The following GOLM2 variants were observed in gnomAD, a reference collection of about 807,000 sequenced individuals.
The protein encoded by GOLM2 is protein GOLM2.
Under a neutral mutation model 55.9 loss-of-function variants are expected in GOLM2, and 26 were observed. That is an observed-to-expected ratio of 0.47 (90% CI 0.34 to 0.65). GOLM2 has a LOEUF of 0.65. Ranked by LOEUF, GOLM2 falls within the 30% of genes least tolerant of loss-of-function variation. The probability of loss-of-function intolerance (pLI) is 0.01; values close to 1 mark genes in which losing one functional copy is unlikely to be tolerated. For missense variants in GOLM2, 486 were observed against 531.8 expected, an observed-to-expected ratio of 0.91 and a Z score of 0.85; for synonymous variants, 165 against 194.6, an observed-to-expected ratio of 0.85 and a Z score of 1.27.
chr15:44,321,258 G>A (rs919136441), intron 1 of GOLM2, among the ~76,000 whole-genome samples: 6 of 151,974 alleles, frequency 3.9e-5, no homozygotes, highest in African/African-American at 1.4e-4. Context: ...GATTGCTTAA[G>A]CCCGGGAGTT....
chr15:44,337,020 C>T (rs1343961030), intron 4 of GOLM2, among the ~76,000 whole-genome samples: 4 of 152,214 alleles, frequency 2.6e-5, no homozygotes, highest in East Asian at 3.9e-4. Context: ...ATATTTCATA[C>T]TGCATTAGAG....
intron 6 of GOLM2, among the ~76,000 whole-genome samples, chr15:44,368,560 G>A (rs1200657956): frequency 6.6e-6 from 1 of 151,564 alleles, no homozygotes; most frequent in Non-Finnish European, 1.5e-5. Context: ...TGTTTAGTCT[G>A]CTGTTAAGCC....
chr15:44,339,995 G>C lies in GOLM2; in HGVS notation c.802+1678G>C, dbSNP rs756557994. Among the ~76,000 whole-genome samples the C allele has an allele frequency of 2.6e-5, 4 of 151,712 alleles. No homozygotes were observed. The East Asian group carries it at 7.8e-4, about 30-fold the overall frequency. On this transcript the variant is annotated intron_variant, in intron 6 of 9. Transcript: ENST00000299957. ...CCACCACACCTGACTAATTTTTATA[G>C]TTTTTTTGTAGAGATAAGTTTTCAC...
chr15:44,322,901 T>G (rs2078960194), intron 1 of GOLM2, 64 bp from the exon 2 acceptor site: 3 of 1,201,294 alleles, frequency 2.5e-6, no homozygotes. Flanking sequence ...AAAGTGAATA[T>G]GAACCAAAAA....
At chr15:44,369,008 C>T (rs1045164998) in intron 6 of GOLM2, among the ~76,000 whole-genome samples, 6 of 130,864 alleles carry the variant, frequency 4.6e-5, no homozygotes, top group Admixed American at 1.7e-4. Context: ...GAGGAGCCTG[C>T]GTTAGGGTTC....
At chr15:44,313,058 G>A (rs1387148107) in intron 1 of GOLM2, among the ~76,000 whole-genome samples, 4 of 150,376 alleles carry the variant, frequency 2.7e-5, no homozygotes, top group South Asian at 2.1e-4. Context: ...CAGCCTGGGC[G>A]ACGGAGCAAG....
intron 1 of GOLM2, among the ~76,000 whole-genome samples, chr15:44,291,015 C>A (rs1425357426): frequency 2.0e-5 from 3 of 151,548 alleles, no homozygotes; most frequent in African/African-American, 7.3e-5. Flanking sequence ...GTTGGTCAGG[C>A]TGGTCTTGAA....
intron 1 of GOLM2, among the ~76,000 whole-genome samples, chr15:44,319,309 C>A (rs183597820): frequency 6.6e-6 from 1 of 152,252 alleles, no homozygotes; most frequent in East Asian, 1.9e-4. Flanking sequence ...GACTTCTGGG[C>A]TCAAGTGATC....
intron 1 of GOLM2, among the ~76,000 whole-genome samples, chr15:44,297,037 T>C (rs2078761002): frequency 1.3e-5 from 2 of 152,234 alleles, no homozygotes; most frequent in Admixed American, 1.3e-4. Context: ...TCCTACCTTC[T>C]TGGTTCCTAT....
chr15:44,293,973 C>T (rs770203944), intron 1 of GOLM2, among the ~76,000 whole-genome samples: 4 of 152,166 alleles, frequency 2.6e-5, no homozygotes, highest in Non-Finnish European at 5.9e-5. Flanking sequence ...GGTATGGACT[C>T]ATGGATATTT....
At chr15:44,315,615 A>T (rs956465690) in intron 1 of GOLM2, among the ~76,000 whole-genome samples, 1 of 152,228 alleles carries the variant, frequency 6.6e-6, no homozygotes, top group Non-Finnish European at 1.5e-5. Context: ...AAGTATCAGG[A>T]AAAAAGAATT....
At chr15:44,404,778 C>T (rs542445640) in intron 9 of GOLM2, among the ~76,000 whole-genome samples, 2 of 152,178 alleles carry the variant, frequency 1.3e-5, no homozygotes, top group South Asian at 2.1e-4. Flanking sequence ...ATCACCCACC[C>T]GCCACAGTAC....
At chr15:44,403,725 TTTG>T (rs749606032) in intron 9 of GOLM2, among the ~76,000 whole-genome samples, 5 of 152,268 alleles carry the variant, frequency 3.3e-5, no homozygotes, top group Admixed American at 6.5e-5. Flanking sequence ...CTAAAAACAT[TTTG>T]TTATTTCAGG....
chr15:44,347,522 A>T (rs577010622), intron 6 of GOLM2, among the ~76,000 whole-genome samples: 1 of 152,294 alleles, frequency 6.6e-6, no homozygotes, highest in East Asian at 1.9e-4. Context: ...CCCTAGTCAG[A>T]GGGGAAATTT....
rs2079067523 is a variant in GOLM2, at chr15:44,337,842, A to G, written c.656A>G (p.Lys219Arg). ...CAAGTAGTACCTAAAAATATTCCAA[A>G]AGTAGCTGAGAATGTTGCAGATAAG... ...NNQVVPKNIP[K>R]VAENVADKNE... Residue 219 changes from lysine (K) to arginine (R), a missense_variant, in exon 5 of 10, where the codon AAA becomes AGA. Transcript: ENST00000299957. The G allele has an allele frequency of 1.2e-6, 2 of 1,606,364 alleles. No individual in the cohort carries two copies. The highest frequency in any genetic ancestry group is 2.3e-5 in the South Asian group (2 of 88,848).
rs917116157 is a variant in GOLM2 at position 44,288,934 on chromosome 15, T to C, written c.-96T>C. 2.5e-6 allele frequency: 3 copies of C among 1,217,140 alleles called. No homozygotes were observed. Among genetic ancestry groups the C allele is most frequent in the Non-Finnish European group, 3.4e-6 (3 of 876,060 alleles). The allele number at this position is 1,217,140 out of a possible 1,614,324, so 75.4% of individuals were successfully genotyped here. ...GCCCGCCTCCTCCCTCGGCCGGCCCTGGGGCCGTGTCCGCCGGGCAACTCC... is the reference window on the plus strand; with the variant it reads ...GCCCGCCTCCTCCCTCGGCCGGCCCCGGGGCCGTGTCCGCCGGGCAACTCC... On this transcript the variant is annotated 5_prime_UTR_variant, in exon 1 of 10. Transcript: ENST00000299957.
At position 44,289,979 on chromosome 15, in the gene GOLM2, A is replaced by G. The variant is rs1199227082; in HGVS notation, c.327+623A>G. On this transcript the variant is annotated intron_variant, in intron 1 of 9. Coordinates refer to ENST00000299957, the MANE Select transcript of GOLM2 (RefSeq NM_138423.4). This position sits in a 1 kb window ranked among gnomAD's most constrained non-coding sequence, Gnocchi z 4.8. ...GGACATAGTTGATCCATCATTATCT[A>G]CTCAATTTGAATTGTTAATGAAATC... Among the ~76,000 whole-genome samples the G allele has an allele frequency of 6.6e-6, 1 of 152,176 alleles. No homozygotes were observed. Among genetic ancestry groups the G allele is most frequent in the African/African-American group, 2.4e-5 (1 of 41,434 alleles).
At chr15:44,340,691 A>G (rs2079085451) in intron 6 of GOLM2, among the ~76,000 whole-genome samples, 1 of 152,152 alleles carries the variant, frequency 6.6e-6, no homozygotes, top group Admixed American at 6.5e-5. Flanking sequence ...GAGCCCAGCA[A>G]TTTGTTTTAA....
Position 44,395,549 on chromosome 15 carries a change from AC to A in GOLM2, c.1073-7337del, listed in dbSNP as rs1403581795. ...TATTTTATTTTACCAACAATTTAAA[AC>A]TATCTTTAGGGCCGGGTGCGGTGGC... On this transcript the variant is annotated intron_variant, in intron 8 of 9. Coordinates refer to ENST00000299957, the MANE Select transcript of GOLM2 (RefSeq NM_138423.4). Among the ~76,000 whole-genome samples, 3 of 151,912 alleles carry A rather than the reference AC, an allele frequency of 2.0e-5. No individual in the cohort carries two copies. In the East Asian group the frequency reaches 5.8e-4, roughly 29 times the overall value.
Sources: allele counts gnomAD v4.1 joint callset (sites outside exome capture counted in the v4.1 genomes callset), GRCh38; gene constraint gnomAD v4.1.1; non-coding constraint Gnocchi (gnomAD v3.1); transcripts MANE v1.5; gene names NCBI Gene and HGNC (gene_info 2026-07-23, HGNC 2026-07-21).